The following RAD54B variants were observed in gnomAD, a reference collection of about 807,000 sequenced individuals.
RAD54B encodes RAD54 homolog B.
In RAD54B, 78 loss-of-function variants were observed where a neutral mutation model predicts 95.8. The observed-to-expected ratio is 0.81, with a 90% CI of 0.68 to 0.98. RAD54B has a LOEUF of 0.98. RAD54B is among the 50% of genes least tolerant of loss of function. RAD54B has a pLI of 0.00. For synonymous variants in RAD54B, 328 were observed against 354.9 expected, an observed-to-expected ratio of 0.92 and a Z score of 0.85; for missense variants, 957 against 1,056.6, an observed-to-expected ratio of 0.91 and a Z score of 1.31.
rs145418002 is a variant in RAD54B, at chr8:94,393,055, C to G, written c.1518+688G>C. ...GCCAGGATGGTCTCGATCTCTTGAC[C>G]TAGTGATCCACCCACCTCAGCCTCC... On this transcript the variant is annotated intron_variant, in intron 9 of 14. Coordinates refer to ENST00000336148, the MANE Select transcript of RAD54B (RefSeq NM_012415.3). Among the ~76,000 whole-genome samples the G allele has an allele frequency of 5.0e-3, 763 of 151,810 alleles. 11 individuals are homozygous for G. The highest frequency in any genetic ancestry group is 0.022 in the East Asian group (113 of 5,152).
chr8:94,378,368 T>C lies in RAD54B; in HGVS notation c.2327A>G (p.Glu776Gly). The C allele has an allele frequency of 6.2e-7, 1 of 1,612,778 alleles. No homozygotes were observed. ...YRLLTTGTIE[E>G]KIYQRQISKQ... ...ACTGATCTGCCTTTGATAGATCTTTTCTTCTATTGTACCTAAAGAGAAAAC... is the reference window on the plus strand; with the variant it reads ...ACTGATCTGCCTTTGATAGATCTTTCCTTCTATTGTACCTAAAGAGAAAAC... Residue 776 changes from glutamate to glycine, a missense_variant, in exon 14 of 15, where the codon GAA becomes GGA. Transcript: ENST00000336148.
intron 9 of RAD54B, chr8:94,393,351 T>C (rs1253204119): frequency 5.8e-6 from 1 of 171,672 alleles, no homozygotes; most frequent in Non-Finnish European, 1.2e-5. Context: ...ACACCTGCAG[T>C]CCCAGCTACT....
chr8:94,419,395 CT>C lies in RAD54B; in HGVS notation c.305-8081del, dbSNP rs551295666. ...TGGTGGCAGGCACCTGCAATCCCAG[CT>C]ACTCGGGAGGTTGAGGCAGGAGAAT... On this transcript the variant is annotated intron_variant, in intron 3 of 14. Coordinates refer to ENST00000336148, the MANE Select transcript of RAD54B (RefSeq NM_012415.3). Among the ~76,000 whole-genome samples the C allele has an allele frequency of 5.3e-3, 807 of 152,210 alleles. 6 individuals carry two copies. Among genetic ancestry groups the C allele is most frequent in the Non-Finnish European group, 7.4e-3 (500 of 68,020 alleles).
At chr8:94,385,451 A>C (rs917153151) in intron 11 of RAD54B, among the ~76,000 whole-genome samples, 1 of 152,190 alleles carries the variant, frequency 6.6e-6, no homozygotes, top group African/African-American at 2.4e-5. Context: ...GCATATGTAC[A>C]TCTCACATGC....
In RAD54B at chr8:94,376,111, A is replaced by T. The variant is rs1410335448; in HGVS notation, c.2515+2069T>A. On this transcript the variant is annotated intron_variant, in intron 14 of 14. Transcript: ENST00000336148. ...GACAGAATTCTACACTAGGCAATTA[A>T]GAGGATATACACGATTTCCATGCAC... Among the ~76,000 whole-genome samples the T allele has an allele frequency of 2.0e-5, 3 of 152,300 alleles. No homozygotes were observed. In the East Asian group the frequency reaches 5.8e-4, roughly 29 times the overall value.
At chr8:94,420,919 A>G (rs1811791344) in intron 3 of RAD54B, among the ~76,000 whole-genome samples, 1 of 149,466 alleles carries the variant, frequency 6.7e-6, no homozygotes, top group South Asian at 2.1e-4. Flanking sequence ...CTGGAGGTGG[A>G]GGTTGCAGTG....
intron 3 of RAD54B, among the ~76,000 whole-genome samples, chr8:94,427,520 T>C (rs1025518018): frequency 6.6e-6 from 1 of 152,028 alleles, no homozygotes; most frequent in Non-Finnish European, 1.5e-5. Context: ...CCATCAAATA[T>C]TTGATTTTGA....
rs2093739577 is a variant in RAD54B, at chr8:94,465,924, GT to G, written c.135+1480del. ...AGCCAGACACAAAAGGACAAATATTGTATGATTCCACTTCCATGAGGTACCT... is the reference window on the plus strand; with the variant it reads ...AGCCAGACACAAAAGGACAAATATTGATGATTCCACTTCCATGAGGTACCT... On this transcript the variant is annotated intron_variant, in intron 2 of 14. Transcript: ENST00000336148. Among the ~76,000 whole-genome samples the G allele has an allele frequency of 2.0e-5, 3 of 152,158 alleles. No homozygotes were observed. In the South Asian group the frequency reaches 6.2e-4, roughly 32 times the overall value.
intron 1 of RAD54B, among the ~76,000 whole-genome samples, chr8:94,470,287 C>T (rs1813138014): frequency 6.6e-6 from 1 of 151,722 alleles, no homozygotes; most frequent in African/African-American, 2.4e-5. Flanking sequence ...ATGGTGAAAC[C>T]CCGTCTCTAC....
chr8:94,411,082 T>C, intron 4 of RAD54B, 39 bp downstream of exon 4: 1 of 1,489,238 alleles, frequency 6.7e-7, no homozygotes, highest in Non-Finnish European at 9.1e-7. Flanking sequence ...ACATACTAAT[T>C]TCAGGCCAAA....
In RAD54B at chr8:94,445,106, A is replaced by C. The variant is rs140729869; in HGVS notation, c.304+13162T>G. Among the ~76,000 whole-genome samples the C allele has an allele frequency of 8.0e-3, 1,213 of 152,284 alleles. 15 individuals are homozygous for C. Among genetic ancestry groups the C allele is most frequent in the East Asian group, 0.026 (136 of 5,184 alleles). On this transcript the variant is annotated intron_variant, in intron 3 of 14. Coordinates refer to ENST00000336148, the MANE Select transcript of RAD54B (RefSeq NM_012415.3). ...CGTGGTTCTGGAAGCTAGGAAGTCC[A>C]AGATAAAAACACCAGCAGATTTGGT...
At chr8:94,415,497 A>C (rs1413954960) in intron 3 of RAD54B, among the ~76,000 whole-genome samples, 4 of 147,482 alleles carry the variant, frequency 2.7e-5, no homozygotes, top group East Asian at 2.0e-4. Flanking sequence ...CAATGGCAAC[A>C]AAAGCCAAAA....
intron 1 of RAD54B, among the ~76,000 whole-genome samples, chr8:94,474,564 C>T (rs1813249409): frequency 6.6e-6 from 1 of 152,006 alleles, no homozygotes; most frequent in African/African-American, 2.4e-5. Context: ...AAAAACCTGA[C>T]CAGTGAAGAG....
At position 94,391,637 on chromosome 8, in the gene RAD54B, T is replaced by C; in HGVS notation, c.1781A>G (p.His594Arg). ...CIGALKKLCN[H>R]PCLLFNSIKE... ...TATAGAGTTGAACAAAAGGCAGGGG[T>C]GATTGCACAGTTTTTTAAGAGCTCC... is the stretch of plus-strand genomic sequence containing the variant. Residue 594 changes from histidine (H) to arginine (R), a missense_variant, in exon 10 of 15, where the codon CAC becomes CGC. His to Arg is a conservative substitution (Grantham distance 29). Coordinates refer to ENST00000336148, the MANE Select transcript of RAD54B (RefSeq NM_012415.3). The C allele has an allele frequency of 6.2e-7, 1 of 1,613,338 alleles. No individual in the cohort carries two copies. The highest frequency in any genetic ancestry group is 8.5e-7 in the Non-Finnish European group (1 of 1,179,862).
chr8:94,434,676 CAAAT>C (rs1362040766), intron 3 of RAD54B, among the ~76,000 whole-genome samples: 2 of 150,994 alleles, frequency 1.3e-5, no homozygotes, highest in Admixed American at 6.6e-5. Flanking sequence ...TGATATCAAT[CAAAT>C]AAATATAAGC....
chr8:94,448,694 T>TAAAAA (rs112849710), intron 3 of RAD54B, among the ~76,000 whole-genome samples: 7 of 138,328 alleles, frequency 5.1e-5, no homozygotes, highest in African/African-American at 1.9e-4. Context: ...AATGTTACTT[T>TAAAAA]AAAAAAAAAA....
chr8:94,400,416 C>T lies in RAD54B; in HGVS notation c.992G>A (p.Gly331Glu). 6.2e-7 allele frequency: 1 copy of T among 1,613,366 alleles called. No individual in the cohort carries two copies. Among genetic ancestry groups the T allele is most frequent in the South Asian group, 1.1e-5 (1 of 90,988 alleles). Residue 331 changes from glycine to glutamate, a missense_variant, in exon 7 of 15, where the codon GGG becomes GAG. Gly to Glu is a moderately conservative substitution (Grantham distance 98). Coordinates refer to ENST00000336148, the MANE Select transcript of RAD54B (RefSeq NM_012415.3). ...GAGCGAAATACATTGCAATGTCTTC[C>T]CTAAACCCATTTCATCAGCAAGAAT... is the stretch of plus-strand genomic sequence containing the variant. ...GAILADEMGL[G>E]KTLQCISLIW...
intron 3 of RAD54B, among the ~76,000 whole-genome samples, chr8:94,425,251 T>A (rs1276889468): frequency 3.8e-5 from 5 of 132,162 alleles, no homozygotes; most frequent in South Asian, 2.5e-4. Context: ...TTTTTTTTTT[T>A]AAAGAGGTCT....
chr8:94,413,268 A>C (rs1811572743), intron 3 of RAD54B, among the ~76,000 whole-genome samples: 1 of 152,234 alleles, frequency 6.6e-6, no homozygotes, highest in Non-Finnish European at 1.5e-5. Context: ...AATTTTTGAA[A>C]AGAACAAAGT....
Sources: allele counts gnomAD v4.1 joint callset (sites outside exome capture counted in the v4.1 genomes callset), GRCh38; gene constraint gnomAD v4.1.1; transcripts MANE v1.5; gene names NCBI Gene and HGNC (gene_info 2026-07-23, HGNC 2026-07-21).